TENM4: variants seen among roughly 807,000 people sequenced by gnomAD.
TENM4 encodes teneurin transmembrane protein 4.
A neutral mutation model predicts 243.3 loss-of-function variants in TENM4; 82 were observed. The ratio of observed to expected loss-of-function variants is 0.34; its 90% CI spans 0.28 to 0.40. The LOEUF (loss-of-function observed/expected upper bound fraction) is 0.40, where lower values mean the gene tolerates loss of function less well. Among genes scored for constraint, TENM4 ranks in the 10% least tolerant of loss-of-function variants. TENM4 has a pLI of 1.00. For synonymous variants in TENM4, 1,412 were observed against 1,456.3 expected (o/e 0.97, Z 0.69); for missense variants, 3,138 against 3,673.3 (o/e 0.85, Z 3.77).
In TENM4 at chr11:78,654,187, C is replaced by T. The variant is rs1122824; in HGVS notation, c.*3871G>A. 111,714 of 152,064 alleles carry T rather than the reference C, an allele frequency of 0.73. 41,695 individuals carry two copies. Among genetic ancestry groups the T allele is most frequent in the Non-Finnish European group, 0.81 (54,988 of 67,990 alleles). The allele number at this position is 152,064 out of a possible 1,614,324, so 9.4% of individuals were successfully genotyped here. A position where few individuals can be genotyped will look rare whatever the true frequency, so the allele number is the denominator to read the frequency against. On this transcript the variant is annotated 3_prime_UTR_variant, in exon 34 of 34. Coordinates refer to ENST00000278550, the MANE Select transcript of TENM4 (RefSeq NM_001098816.3). ...TGGGATCCCTCAGGAGATGTGTCCC[C>T]GGGCCAGGTCTGGCTCCTGGGCTTA...
chr11:79,321,455 A>G (rs967013371), intron 1 of TENM4, among the ~76,000 whole-genome samples: 7 of 152,124 alleles, frequency 4.6e-5, no homozygotes, highest in African/African-American at 1.7e-4. Context: ...GATGTCCCAA[A>G]TGATTCATCT....
At chr11:79,240,868 C>T (rs1565264580) in intron 2 of TENM4, among the ~76,000 whole-genome samples, 2 of 152,124 alleles carry the variant, frequency 1.3e-5, no homozygotes, top group Non-Finnish European at 2.9e-5. Context: ...CGGAAAATCA[C>T]CTATCTTGCA....
At chr11:79,281,828 C>G (rs536070945) in intron 2 of TENM4, among the ~76,000 whole-genome samples, 2 of 152,366 alleles carry the variant, frequency 1.3e-5, no homozygotes, top group Admixed American at 6.5e-5. Context: ...AAAGTTCAGA[C>G]TCCTTCACAA....
chr11:79,129,127 G>A (rs1174354155), intron 4 of TENM4, among the ~76,000 whole-genome samples: 1 of 152,176 alleles, frequency 6.6e-6, no homozygotes, highest in East Asian at 1.9e-4. Flanking sequence ...TCTGTTTGTG[G>A]GAGAAGTTTC....
chr11:79,124,171 A>C (rs1257623656), intron 4 of TENM4, among the ~76,000 whole-genome samples: 1 of 152,110 alleles, frequency 6.6e-6, no homozygotes, highest in African/African-American at 2.4e-5. Flanking sequence ...CCTAAATCAG[A>C]AGAGTTCTCT....
At chr11:78,837,153 T>C (rs1858137642) in intron 12 of TENM4, among the ~76,000 whole-genome samples, 1 of 152,212 alleles carries the variant, frequency 6.6e-6, no homozygotes, top group Non-Finnish European at 1.5e-5. Flanking sequence ...GTAGCTTCCA[T>C]AATTCCCATA....
intron 10 of TENM4, among the ~76,000 whole-genome samples, chr11:78,859,302 C>T (rs1159544003): frequency 6.6e-6 from 1 of 152,194 alleles, no homozygotes; most frequent in African/African-American, 2.4e-5. Context: ...GGACACTCTA[C>T]AATCACTGGG....
intron 19 of TENM4, among the ~76,000 whole-genome samples, chr11:78,751,744 T>C (rs1380689519): frequency 6.6e-6 from 1 of 152,164 alleles, no homozygotes. Context: ...GGGAAACAGC[T>C]CTGGCTCGAG....
chr11:78,804,329 C>A (rs1304406709), intron 15 of TENM4, among the ~76,000 whole-genome samples: 1 of 152,188 alleles, frequency 6.6e-6, no homozygotes, highest in East Asian at 1.9e-4. Flanking sequence ...GGCAGGGGCT[C>A]TTTGGTCTCC....
At chr11:79,017,038 C>T (rs1269849430) in intron 6 of TENM4, among the ~76,000 whole-genome samples, 1 of 152,192 alleles carries the variant, frequency 6.6e-6, no homozygotes, top group African/African-American at 2.4e-5. Flanking sequence ...TAGCATGGTT[C>T]CTGGCACAGA....
chr11:78,989,675 C>G (rs1038954497), intron 6 of TENM4, among the ~76,000 whole-genome samples: 6 of 152,260 alleles, frequency 3.9e-5, no homozygotes, highest in Middle Eastern at 3.4e-3. Context: ...TCCTTTCGTC[C>G]CAGGTAGAGC....
intron 12 of TENM4, among the ~76,000 whole-genome samples, chr11:78,824,504 T>TC (rs1251957915): frequency 2.4e-5 from 1 of 42,348 alleles, no homozygotes; most frequent in African/African-American, 1.5e-4. Flanking sequence ...TCTTTCTTTC[T>TC]TTTTTTTTTT....
At chr11:79,177,271 G>A (rs1167855962) in intron 3 of TENM4, among the ~76,000 whole-genome samples, 2 of 151,974 alleles carry the variant, frequency 1.3e-5, no homozygotes, top group Non-Finnish European at 2.9e-5. Flanking sequence ...TTCAAACCTA[G>A]TGCACCCATC....
chr11:78,739,461 C>T (rs1280732286), intron 19 of TENM4, among the ~76,000 whole-genome samples: 2 of 152,126 alleles, frequency 1.3e-5, no homozygotes, highest in African/African-American at 4.8e-5. Flanking sequence ...CCAAACCATA[C>T]ACACTCCTCC....
In TENM4 at chr11:79,148,794, A is replaced by G; in HGVS notation, c.-150T>C. On this transcript the variant is annotated 5_prime_UTR_variant, in exon 4 of 34. Transcript: ENST00000278550. Reference sequence around the variant, plus strand: ...TGCAATTTTAATTTGGACACATGGTAATTTCAGTCTACCTGTTGAAAGAGA... The same window carrying G: ...TGCAATTTTAATTTGGACACATGGTGATTTCAGTCTACCTGTTGAAAGAGA... 1.0e-6 allele frequency: 1 copy of G among 979,610 alleles called. No individual in the cohort carries two copies. Among genetic ancestry groups the G allele is most frequent in the Non-Finnish European group, 1.2e-6 (1 of 824,512 alleles). The allele number at this position is 979,610 out of a possible 1,614,324, so 60.7% of individuals were successfully genotyped here. A position where few individuals can be genotyped will look rare whatever the true frequency, so the allele number is the denominator to read the frequency against.
intron 25 of TENM4, among the ~76,000 whole-genome samples, chr11:78,718,566 C>CT (rs1449721533): frequency 6.6e-6 from 1 of 152,200 alleles, no homozygotes; most frequent in East Asian, 1.9e-4. Flanking sequence ...TGGGTCATGG[C>CT]TGTGTCCTTT....
intron 6 of TENM4, among the ~76,000 whole-genome samples, chr11:78,962,394 A>C (rs1444627401): frequency 6.6e-6 from 1 of 150,632 alleles, no homozygotes; most frequent in Non-Finnish European, 1.5e-5. Flanking sequence ...AAAAATAATG[A>C]AAATTGATTT....
chr11:79,148,822 A>C lies in TENM4; in HGVS notation c.-162-16T>G, dbSNP rs755810673. 7 of 926,188 alleles carry C rather than the reference A, an allele frequency of 7.6e-6. No individual in the cohort carries two copies. Among genetic ancestry groups the C allele is most frequent in the Non-Finnish European group, 6.4e-6 (5 of 776,124 alleles). 57.4% of individuals were successfully genotyped at this position (926,188 alleles called of 1,614,324 possible). A position where few individuals can be genotyped will look rare whatever the true frequency, so the allele number is the denominator to read the frequency against. ...TTCAGTCTACCTGTTGAAAGAGACA[A>C]GAGACAAATCAGTCATTTTTGATGA... On this transcript the variant is annotated splice_polypyrimidine_tract_variant and intron_variant, in intron 3 of 33. Coordinates refer to ENST00000278550, the MANE Select transcript of TENM4 (RefSeq NM_001098816.3).
intron 1 of TENM4, among the ~76,000 whole-genome samples, chr11:79,403,236 A>G (rs1858498794): frequency 6.6e-6 from 1 of 152,244 alleles, no homozygotes; most frequent in Non-Finnish European, 1.5e-5. Flanking sequence ...ATGCACATTT[A>G]TGACAAAAAG....
Sources: gnomAD v4.1 joint callset for allele counts (sites outside exome capture counted in the v4.1 genomes callset) on GRCh38, gnomAD v4.1.1 for gene constraint, MANE v1.5 for transcripts, NCBI Gene and HGNC (gene_info 2026-07-23, HGNC 2026-07-21) for gene names.